Variants in RNF17 observed in about 807,000 individuals in gnomAD.
RNF17 encodes spermatogenesis associated 23.
Under a neutral mutation model 200.5 loss-of-function variants are expected in RNF17, and 31 were observed. The observed-to-expected ratio is 0.15, with a 90% CI of 0.12 to 0.21. The LOEUF is 0.21. RNF17 is among the 10% of genes least tolerant of loss of function. The probability of loss-of-function intolerance (pLI) is 1.00; values close to 1 mark genes in which losing one functional copy is unlikely to be tolerated. For synonymous variants in RNF17, 606 were observed against 637.8 expected (o/e 0.95, Z 0.75); for missense variants, 1,628 against 1,905.1 (o/e 0.85, Z 2.71).
chr13:24,759,444 A>G (rs1009458251), upstream of RNF17, among the ~76,000 whole-genome samples: 22 of 152,252 alleles, frequency 1.4e-4, no homozygotes, highest in African/African-American at 5.3e-4. Context: ...ATTTATTTTC[A>G]GAACCCTCAA....
At position 24,778,306 on chromosome 13, in the gene RNF17, G is replaced by T; in HGVS notation, c.329G>T (p.Cys110Phe). The T allele has an allele frequency of 6.2e-7, 1 of 1,602,570 alleles. No homozygotes were observed. The highest frequency in any genetic ancestry group is 1.1e-5 in the South Asian group (1 of 90,790). ...EKLQPKTIKN[C>F]SQDFKKTADQ... Reference sequence around the variant, plus strand: ...TTGATACTTTTCAGGATAAAGAATTGTTCTCAGGACTTTAAGAAGACTGCT... The same window carrying T: ...TTGATACTTTTCAGGATAAAGAATTTTTCTCAGGACTTTAAGAAGACTGCT... The change falls in exon 4 of 36, where the codon TGT becomes TTT. Residue 110 changes from cysteine to phenylalanine, a missense_variant. By Grantham distance (205) the Cys-to-Phe change is radical. Coordinates refer to ENST00000255324, the MANE Select transcript of RNF17 (RefSeq NM_031277.3).
chr13:24,837,061 G>A (rs560413815), intron 18 of RNF17, among the ~76,000 whole-genome samples: 15 of 152,256 alleles, frequency 9.9e-5, no homozygotes, highest in Non-Finnish European at 5.9e-5. Flanking sequence ...CACCAAAAAC[G>A]AGCAAGGGTA....
At chr13:24,883,492 T>C, downstream of RNF17, 1 of 711,794 alleles carries the variant, frequency 1.4e-6, no homozygotes, top group Non-Finnish European at 2.3e-6. Flanking sequence ...CCCTTGGTTA[T>C]CCCTATACAA....
the RNF17 span, among the ~76,000 whole-genome samples, chr13:24,754,409 C>T: frequency 6.6e-6 from 1 of 152,132 alleles, no homozygotes; most frequent in South Asian, 2.1e-4. Context: ...AGCAGCACCT[C>T]TCTGTTTCTT....
At chr13:24,780,514 A>C (rs1252226478) in intron 5 of RNF17, among the ~76,000 whole-genome samples, 1 of 152,168 alleles carries the variant, frequency 6.6e-6, no homozygotes, top group Non-Finnish European at 1.5e-5. Flanking sequence ...GTCCTTCTCC[A>C]TGCAAGATAC....
the RNF17 span, chr13:24,886,364 GTGTGAGGCGGCTGTGCTGTGCC>G: frequency 1.6e-6 from 2 of 1,289,206 alleles, no homozygotes; most frequent in Non-Finnish European, 1.0e-6. Context: ...GCTGCTGGGC[GTGTGAGGCGGCTGTGCTGTGCC>G]TGTGAGACAG....
At chr13:24,886,078 C>T in the RNF17 span, 1 of 369,214 alleles carries the variant, frequency 2.7e-6, no homozygotes, top group Non-Finnish European at 5.3e-6. Context: ...TGTAATATGT[C>T]CAGCACACCA....
At chr13:24,772,895 G>GCCACCGCCCCTGGTCGTGAA (rs1880990867) in intron 2 of RNF17, among the ~76,000 whole-genome samples, 1 of 152,122 alleles carries the variant, frequency 6.6e-6, no homozygotes, top group African/African-American at 2.4e-5. Flanking sequence ...ACAGGCGTGA[G>GCCACCGCCCCTGGTCGTGAA]CCACCGCCCC....
downstream of RNF17, chr13:24,882,806 A>ACAAGT (rs1193670818): frequency 3.9e-5 from 10 of 253,440 alleles, no homozygotes; most frequent in East Asian, 2.2e-4. Context: ...CACCTTCTGT[A>ACAAGT]CAAGTCCAGT....
chr13:24,877,413 T>C (rs1053520909), intron 34 of RNF17, among the ~76,000 whole-genome samples: 10 of 152,204 alleles, frequency 6.6e-5, no homozygotes, highest in African/African-American at 2.2e-4. Flanking sequence ...CCTGTGGTGA[T>C]ATAAAATATC....
At chr13:24,853,404 A>C (rs1215086690) in intron 24 of RNF17, among the ~76,000 whole-genome samples, 1 of 152,168 alleles carries the variant, frequency 6.6e-6, no homozygotes, top group Non-Finnish European at 1.5e-5. Context: ...ATTACCACTT[A>C]GGTAATATAT....
At chr13:24,858,856 A>C in intron 25 of RNF17, 145 bp from the exon 26 acceptor site, 1 of 566,896 alleles carries the variant, frequency 1.8e-6, no homozygotes. Flanking sequence ...TATTACTAGT[A>C]TGTTTTAAAA....
intron 11 of RNF17, among the ~76,000 whole-genome samples, chr13:24,798,866 T>C (rs1365484963): frequency 6.6e-6 from 1 of 152,146 alleles, no homozygotes; most frequent in Non-Finnish European, 1.5e-5. Flanking sequence ...ATCTTCCCTC[T>C]TCTCTGAAAA....
chr13:24,873,000 A>G (rs1894461341), intron 32 of RNF17, among the ~76,000 whole-genome samples: 1 of 152,220 alleles, frequency 6.6e-6, no homozygotes, highest in South Asian at 2.1e-4. Flanking sequence ...GTACATTGTA[A>G]TAAGGACTTG....
chr13:24,847,352 T>G (rs899070503), intron 22 of RNF17, among the ~76,000 whole-genome samples: 1 of 115,818 alleles, frequency 8.6e-6, no homozygotes, highest in African/African-American at 3.4e-5. Flanking sequence ...TTTATTTATT[T>G]TTTTTTTTTT....
intron 5 of RNF17, 35 bp downstream of exon 5, chr13:24,779,782 G>C (rs1882098420): frequency 2.1e-6 from 3 of 1,461,252 alleles, no homozygotes; most frequent in Non-Finnish European, 2.9e-6. Context: ...CTATCATGAA[G>C]TGAAGCATGT....
intron 33 of RNF17, among the ~76,000 whole-genome samples, chr13:24,875,241 T>C (rs7329498): frequency 0.98 from 149,649 of 152,288 alleles, 73,566 homozygotes; most frequent in Middle Eastern, 1. Flanking sequence ...CAACAAACAT[T>C]AAATTTATGG....
the RNF17 span, chr13:24,886,206 G>T: frequency 4.1e-6 from 3 of 737,344 alleles, no homozygotes; most frequent in Non-Finnish European, 6.2e-6. Context: ...CATCCTATGT[G>T]CCAATGGATC....
intron 15 of RNF17, among the ~76,000 whole-genome samples, chr13:24,813,121 G>C (rs1214422174): frequency 6.6e-6 from 1 of 151,974 alleles, no homozygotes; most frequent in African/African-American, 2.4e-5. Flanking sequence ...AGCCATTCCA[G>C]TCATCCATTT....
Sources: allele counts gnomAD v4.1 joint callset (sites outside exome capture counted in the v4.1 genomes callset), GRCh38; gene constraint gnomAD v4.1.1; transcripts MANE v1.5; gene names NCBI Gene and HGNC (gene_info 2026-07-23, HGNC 2026-07-21).